The following IWS1 variants were observed in gnomAD, a reference collection of about 807,000 sequenced individuals.
IWS1 encodes the protein protein IWS1 homolog.
A neutral mutation model predicts 86.7 loss-of-function variants in IWS1; 27 were observed. The ratio of observed to expected loss-of-function variants is 0.31; its 90% CI spans 0.23 to 0.43. The LOEUF is 0.43. Ranked by LOEUF, IWS1 falls within the 20% of genes least tolerant of loss-of-function variation. IWS1 has a pLI of 1.00. For missense variants in IWS1, 827 were observed against 1,000.8 expected (o/e 0.83, Z 2.34); for synonymous variants, 313 against 335.1 (o/e 0.93, Z 0.72).
intron 2 of IWS1, among the ~76,000 whole-genome samples, chr2:127,512,047 ACAGT>A (rs1332495762): frequency 2.6e-5 from 4 of 152,240 alleles, no homozygotes; most frequent in Admixed American, 1.3e-4. Flanking sequence ...TGCTTTGCTT[ACAGT>A]CAGAGAACCA....
intron 2 of IWS1, among the ~76,000 whole-genome samples, chr2:127,509,383 A>C (rs902996234): frequency 6.6e-6 from 1 of 152,316 alleles, no homozygotes; most frequent in African/African-American, 2.4e-5. Flanking sequence ...AAAGAAATTG[A>C]GCACTCAGAA....
Position 127,498,223 on chromosome 2 carries a change from T to A in IWS1, c.1482A>T (p.Glu494Asp), listed in dbSNP as rs140930039. 4.3e-5 allele frequency: 69 copies of A among 1,601,016 alleles called. No homozygotes were observed. Among genetic ancestry groups the A allele is most frequent in the Non-Finnish European group, 5.7e-5 (67 of 1,168,500 alleles). The change falls in exon 6 of 14, where the codon GAA becomes GAT. Residue 494 changes from glutamate (E) to aspartate (D), a missense_variant. Physicochemically the swap from Glu to Asp is conservative, Grantham distance 45. Coordinates refer to ENST00000295321, the MANE Select transcript of IWS1 (RefSeq NM_017969.3). ...TTTCACCTTTTTCTTCTTCCAGATCTTCTTGGTTAAAACCCTAAATGCAAA... is the reference window on the plus strand; with the variant it reads ...TTTCACCTTTTTCTTCTTCCAGATCATCTTGGTTAAAACCCTAAATGCAAA... ...EEEEFTGFNQ[E>D]DLEEEKGETQ...
At chr2:127,515,614 A>G (rs138328590) in intron 2 of IWS1, among the ~76,000 whole-genome samples, 5 of 152,374 alleles carry the variant, frequency 3.3e-5, no homozygotes, top group African/African-American at 4.8e-5. Flanking sequence ...TTGGCATCAC[A>G]GAATGAGAAG....
chr2:127,482,515 G>A (rs1422447132), intron 13 of IWS1: 2 of 152,160 alleles, frequency 1.3e-5, no homozygotes, highest in African/African-American at 4.8e-5. Context: ...CTTCCTTTTA[G>A]AGGATGTGCC....
rs149881144 is a variant in IWS1, at chr2:127,486,747, A to G, written c.2217-83T>C. ...TAGGCCATTTCACACTCCTGTTCCT[A>G]CATCCACCCATTAAGCTGCAATGTT... On this transcript the variant is annotated intron_variant, in intron 12 of 13. Coordinates refer to ENST00000295321, the MANE Select transcript of IWS1 (RefSeq NM_017969.3). 17 of 1,016,736 alleles carry G rather than the reference A, an allele frequency of 1.7e-5. No homozygotes were observed. The East Asian group carries it at 4.3e-4, about 26-fold the overall frequency. The allele number at this position is 1,016,736 out of a possible 1,614,324, so 63.0% of individuals were successfully genotyped here.
intron 8 of IWS1, among the ~76,000 whole-genome samples, chr2:127,494,105 G>A (rs993914961): frequency 1.3e-5 from 2 of 151,972 alleles, no homozygotes; most frequent in Non-Finnish European, 2.9e-5. Flanking sequence ...AGAAATATAA[G>A]CAAATCAGGG....
rs140930039 is a variant in IWS1, at chr2:127,498,223, T to G, written c.1482A>C (p.Glu494Asp). 1.6e-5 allele frequency: 25 copies of G among 1,601,136 alleles called. No individual in the cohort carries two copies. In the African/African-American group the frequency reaches 3.2e-4, roughly 21 times the overall value. ...TTTCACCTTTTTCTTCTTCCAGATC[T>G]TCTTGGTTAAAACCCTAAATGCAAA... ...EEEEFTGFNQEDLEEEKGETQ... is the reference protein window; with the variant it reads ...EEEEFTGFNQDDLEEEKGETQ... The change falls in exon 6 of 14, where the codon GAA becomes GAC. Residue 494 changes from glutamate to aspartate, a missense_variant. By Grantham distance (45) the Glu-to-Asp change is conservative. Coordinates refer to ENST00000295321, the MANE Select transcript of IWS1 (RefSeq NM_017969.3).
chr2:127,485,760 GAA>G (rs1689896050), intron 13 of IWS1: 1 of 152,054 alleles, frequency 6.6e-6, no homozygotes, highest in Admixed American at 6.5e-5. Flanking sequence ...TCATTATTTT[GAA>G]ACTAAAAGCA....
At chr2:127,513,771 T>C (rs1691605449) in intron 2 of IWS1, among the ~76,000 whole-genome samples, 1 of 152,232 alleles carries the variant, frequency 6.6e-6, no homozygotes, top group South Asian at 2.1e-4. Flanking sequence ...ATAAGACGAA[T>C]GCAAATCACA....
upstream of IWS1, chr2:127,526,647 G>A (rs1309171226): frequency 9.0e-6 from 12 of 1,326,144 alleles, no homozygotes; most frequent in East Asian, 1.0e-4. Flanking sequence ...TTCCTCGGGT[G>A]GATCCTGGTC....
At chr2:127,525,581 G>A (rs938105328) in intron 1 of IWS1, among the ~76,000 whole-genome samples, 1 of 152,198 alleles carries the variant, frequency 6.6e-6, no homozygotes, top group Non-Finnish European at 1.5e-5. Context: ...CACCGTGCCA[G>A]CAGAGTGGGC....
chr2:127,523,474 T>C (rs1037443416), intron 2 of IWS1, among the ~76,000 whole-genome samples: 2 of 152,172 alleles, frequency 1.3e-5, no homozygotes, highest in Non-Finnish European at 2.9e-5. Flanking sequence ...TGTGACCCAA[T>C]CAGAACATAT....
At chr2:127,494,779 T>C in intron 8 of IWS1, 93 bp downstream of exon 8, 2 of 615,840 alleles carry the variant, frequency 3.2e-6, no homozygotes, top group Admixed American at 3.1e-5. Flanking sequence ...TAGAAGTCTA[T>C]CATTATTTAA....
chr2:127,494,765 C>A, intron 8 of IWS1, 107 bp downstream of exon 8: 2 of 537,044 alleles, frequency 3.7e-6, no homozygotes, highest in Non-Finnish European at 3.2e-6. Flanking sequence ...TTTCTGTGAA[C>A]CGATAGAAGT....
rs1050350576 is a variant in IWS1, at chr2:127,493,081, T to C, written c.1929+200A>G. On this transcript the variant is annotated intron_variant, in intron 9 of 13. Transcript: ENST00000295321. The stretch of plus-strand genomic sequence containing the variant: ...TACAGCTACTCTAAGATTTTTTCCC[T>C]TCAATGCGATAGTTACATGAAGTTT... 14 of 417,746 alleles carry C rather than the reference T, an allele frequency of 3.4e-5. 1 individual carries two copies. The Admixed American group carries it at 5.4e-4, about 16-fold the overall frequency. The allele number at this position is 417,746 out of a possible 1,614,324, so 25.9% of individuals were successfully genotyped here.
intron 1 of IWS1, 68 bp from the exon 2 acceptor site, chr2:127,523,859 C>A: frequency 9.6e-7 from 1 of 1,047,076 alleles, no homozygotes; most frequent in Non-Finnish European, 1.4e-6. Flanking sequence ...GAAATGAACA[C>A]ACTGAATCAA....
intron 7 of IWS1, 106 bp from the exon 8 acceptor site, chr2:127,495,060 T>C (rs1284755574): frequency 3.1e-6 from 2 of 654,596 alleles, no homozygotes. Context: ...AAAGAAACAA[T>C]TTTTCCTACA....
chr2:127,490,846 A>G (rs1353857757), intron 10 of IWS1: 3 of 152,266 alleles, frequency 2.0e-5, no homozygotes, highest in Non-Finnish European at 4.4e-5. Flanking sequence ...CAAAGATGGT[A>G]GTATATCTCT....
Position 127,489,632 on chromosome 2 carries a change from G to T in IWS1, c.2159+200C>A, listed in dbSNP as rs1690116958. 4 of 553,406 alleles carry T rather than the reference G, an allele frequency of 7.2e-6. No homozygotes were observed. Among genetic ancestry groups the T allele is most frequent in the Non-Finnish European group, 1.3e-5 (4 of 313,360 alleles). The allele number at this position is 553,406 out of a possible 1,614,324, so 34.3% of individuals were successfully genotyped here. On this transcript the variant is annotated intron_variant, in intron 11 of 13. Transcript: ENST00000295321. This position sits in a 1 kb window ranked among gnomAD's most constrained non-coding sequence, Gnocchi z 4.8. ...GGCCCTGTTCCAACAAACTGACCCAGAAAGGTCTGGTTAGGAGGACAGGAC... is the reference window on the plus strand; with the variant it reads ...GGCCCTGTTCCAACAAACTGACCCATAAAGGTCTGGTTAGGAGGACAGGAC...
Sources: gnomAD v4.1 joint callset for allele counts (sites outside exome capture counted in the v4.1 genomes callset) on GRCh38, gnomAD v4.1.1 for gene constraint, Gnocchi (gnomAD v3.1) non-coding constraint, MANE v1.5 for transcripts, NCBI Gene and HGNC (gene_info 2026-07-23, HGNC 2026-07-21) for gene names.